The following GABRA2 variants were observed in gnomAD, a reference collection of about 807,000 sequenced individuals.
GABRA2 encodes gamma-aminobutyric acid type A receptor subunit alpha2.
GABRA2 carries 16 observed loss-of-function variants against 48.7 expected under a neutral mutation model. The observed-to-expected ratio is 0.33, with a 90% CI of 0.22 to 0.50. The LOEUF (loss-of-function observed/expected upper bound fraction) is 0.50. Among genes scored for constraint, GABRA2 ranks in the 20% least tolerant of loss-of-function variants. The probability of loss-of-function intolerance (pLI) is 0.98; values close to 1 mark genes in which losing one functional copy is unlikely to be tolerated. For synonymous variants in GABRA2, 185 were observed against 184.5 expected (o/e 1.00, Z -0.02); for missense variants, 275 against 535.6 (o/e 0.51, Z 4.80).
rs1172849226 is a variant in GABRA2, at chr4:46,290,041, A to G, written c.856+13419T>C. On this transcript the variant is annotated intron_variant, in intron 8 of 9. Coordinates refer to ENST00000381620, the MANE Select transcript of GABRA2 (RefSeq NM_000807.4). Reference sequence around the variant, plus strand: ...ATTCTCCTGCCTCAGCCTCCAGAGTAGCTGGGATTACAGGCGCCCGCCACC... The same window carrying G: ...ATTCTCCTGCCTCAGCCTCCAGAGTGGCTGGGATTACAGGCGCCCGCCACC... Among the ~76,000 whole-genome samples, 7 of 149,868 alleles carry G rather than the reference A, an allele frequency of 4.7e-5. No individual in the cohort carries two copies. In the East Asian group the frequency reaches 1.4e-3, roughly 30 times the overall value.
chr4:46,355,383 T>C (rs917919081), intron 3 of GABRA2, among the ~76,000 whole-genome samples: 1 of 152,200 alleles, frequency 6.6e-6, no homozygotes, highest in Admixed American at 6.5e-5. Context: ...TTCTAAATGG[T>C]GCCTTAAACA....
intron 3 of GABRA2, among the ~76,000 whole-genome samples, chr4:46,342,185 C>T (rs184302445): frequency 9.5e-4 from 144 of 152,106 alleles, no homozygotes; most frequent in African/African-American, 3.2e-3. Context: ...AAGCTCAATG[C>T]GTTTAACAAG....
chr4:46,381,382 T>C (rs771525250), intron 3 of GABRA2, among the ~76,000 whole-genome samples: 21 of 152,182 alleles, frequency 1.4e-4, no homozygotes, highest in Non-Finnish European at 8.8e-5. Context: ...GATACAGTTA[T>C]TAATTCTAGC....
chr4:46,345,001 C>T (rs2109872674), intron 3 of GABRA2, among the ~76,000 whole-genome samples: 1 of 151,926 alleles, frequency 6.6e-6, no homozygotes, highest in South Asian at 2.1e-4. Context: ...AATTGTAATT[C>T]CCAAGTGTCA....
chr4:46,370,865 T>C (rs1303607923), intron 3 of GABRA2, among the ~76,000 whole-genome samples: 1 of 151,856 alleles, frequency 6.6e-6, no homozygotes, highest in African/African-American at 2.4e-5. Flanking sequence ...AAGAACCCTA[T>C]TTTCTACTCT....
At chr4:46,356,845 T>C (rs1252799880) in intron 3 of GABRA2, among the ~76,000 whole-genome samples, 1 of 152,094 alleles carries the variant, frequency 6.6e-6, no homozygotes, top group Non-Finnish European at 1.5e-5. Context: ...TACCCATAAA[T>C]ACCTCTCCTG....
At chr4:46,267,669 A>T (rs1331104822) in intron 8 of GABRA2, among the ~76,000 whole-genome samples, 1 of 151,958 alleles carries the variant, frequency 6.6e-6, no homozygotes, top group African/African-American at 2.4e-5. Context: ...TAATTCTATG[A>T]AGTCTGTATT....
At chr4:46,366,817 G>A (rs759630624) in intron 3 of GABRA2, 5 of 152,080 alleles carry the variant, frequency 3.3e-5, no homozygotes, top group African/African-American at 4.8e-5. Flanking sequence ...ACTAACAATA[G>A]TTTTGCAAAA....
intron 3 of GABRA2, among the ~76,000 whole-genome samples, chr4:46,385,043 T>G (rs1717251955): frequency 6.7e-6 from 1 of 149,872 alleles, no homozygotes; most frequent in Admixed American, 6.7e-5. Flanking sequence ...ACTTTTTTCT[T>G]ACCCATGGAC....
intron 8 of GABRA2, among the ~76,000 whole-genome samples, chr4:46,273,961 A>G (rs1008486570): frequency 1.3e-5 from 2 of 152,090 alleles, no homozygotes; most frequent in Admixed American, 1.3e-4. Context: ...AGATTTATTC[A>G]TATTTCTTTG....
intron 8 of GABRA2, among the ~76,000 whole-genome samples, chr4:46,286,331 A>G: frequency 6.6e-6 from 1 of 152,080 alleles, no homozygotes; most frequent in East Asian, 1.9e-4. Context: ...TATATACTAT[A>G]TTTTGTACAT....
chr4:46,353,013 A>G (rs1735394577), intron 3 of GABRA2, among the ~76,000 whole-genome samples: 1 of 152,102 alleles, frequency 6.6e-6, no homozygotes, highest in African/African-American at 2.4e-5. Context: ...CTCAGCACCA[A>G]TTTTGTGCAT....
chr4:46,374,113 A>T (rs1407372044), intron 3 of GABRA2, among the ~76,000 whole-genome samples: 1 of 152,150 alleles, frequency 6.6e-6, no homozygotes, highest in Non-Finnish European at 1.5e-5. Flanking sequence ...TGATTCTCTG[A>T]CTATTGCTAA....
chr4:46,276,849 A>T (rs1720608575), intron 8 of GABRA2, among the ~76,000 whole-genome samples: 1 of 152,030 alleles, frequency 6.6e-6, no homozygotes, highest in African/African-American at 2.4e-5. Flanking sequence ...TGTCTAACAG[A>T]GTATATGGAA....
At chr4:46,347,976 A>G (rs1194041598) in intron 3 of GABRA2, among the ~76,000 whole-genome samples, 4 of 152,092 alleles carry the variant, frequency 2.6e-5, no homozygotes, top group Non-Finnish European at 4.4e-5. Context: ...CTACCATCAG[A>G]GTGAACAGGC....
chr4:46,358,320 T>C (rs1736332531), intron 3 of GABRA2, among the ~76,000 whole-genome samples: 1 of 152,216 alleles, frequency 6.6e-6, no homozygotes, highest in Admixed American at 6.5e-5. Context: ...TGAACTCAGC[T>C]CCTTAGAGGA....
intron 3 of GABRA2, among the ~76,000 whole-genome samples, chr4:46,341,817 GT>G (rs35173641): frequency 0.38 from 58,126 of 151,778 alleles, 11,753 homozygotes; most frequent in East Asian, 0.56. Context: ...TCAGTCCTCA[GT>G]TTTTTTCTTT....
At chr4:46,381,151 T>C (rs1323608679) in intron 3 of GABRA2, among the ~76,000 whole-genome samples, 2 of 152,208 alleles carry the variant, frequency 1.3e-5, no homozygotes, top group Admixed American at 6.5e-5. Flanking sequence ...TCATAGCTAA[T>C]AGTTGTTACT....
intron 8 of GABRA2, among the ~76,000 whole-genome samples, chr4:46,288,669 T>C (rs1723010250): frequency 6.6e-6 from 1 of 152,098 alleles, no homozygotes; most frequent in African/African-American, 2.4e-5. Context: ...GAGTTCATGA[T>C]GAAGATGATA....
Sources: gnomAD v4.1 joint callset for allele counts (sites outside exome capture counted in the v4.1 genomes callset) on GRCh38, gnomAD v4.1.1 for gene constraint, MANE v1.5 for transcripts, NCBI Gene and HGNC (gene_info 2026-07-23, HGNC 2026-07-21) for gene names.